The following GPSM1 variants were observed in gnomAD, a reference collection of about 807,000 sequenced individuals.
The protein encoded by GPSM1 is G protein-signaling modulator 1.
Under a neutral mutation model 70.5 loss-of-function variants are expected in GPSM1, and 48 were observed. The ratio of observed to expected loss-of-function variants is 0.68; its 90% CI spans 0.54 to 0.87. The LOEUF (loss-of-function observed/expected upper bound fraction) is 0.87, where lower values mean the gene tolerates loss of function less well. Ranked by LOEUF, GPSM1 falls within the 40% of genes least tolerant of loss-of-function variation. GPSM1 has a pLI of 0.00. For missense variants in GPSM1, 981 were observed against 972.6 expected (o/e 1.01, Z -0.11); for synonymous variants, 416 against 430.1 (o/e 0.97, Z 0.41).
At chr9:136,357,009 A>C (rs1554773329) in intron 13 of GPSM1, among the ~76,000 whole-genome samples, 1 of 152,216 alleles carries the variant, frequency 6.6e-6, no homozygotes. Flanking sequence ...TCCAGGGACC[A>C]CACAGTGGAC....
chr9:136,337,304 C>G, intron 4 of GPSM1, 137 bp from the exon 5 acceptor site: 2 of 1,371,266 alleles, frequency 1.5e-6, no homozygotes, highest in Non-Finnish European at 2.0e-6. Context: ...CTCGAGGACC[C>G]TGGAGCCTAC....
rs1832001725 is a variant in GPSM1 at position 136,327,664 on chromosome 9, G to T, written c.-32G>T. ...GGCGGACGGCCACGGCGCGGGGGGC[G>T]CTCCCGGCTCCCGCTCCCGCGTCCC... On this transcript the variant is annotated 5_prime_UTR_variant, in exon 1 of 14. Coordinates refer to ENST00000440944, the MANE Select transcript of GPSM1 (RefSeq NM_001145638.3). 3 of 897,734 alleles carry T rather than the reference G, an allele frequency of 3.3e-6. No individual in the cohort carries two copies. The South Asian group carries it at 1.6e-4, about 47-fold the overall frequency. The allele number at this position is 897,734 out of a possible 1,614,324, so 55.6% of individuals were successfully genotyped here.
At chr9:136,356,615 C>A in intron 13 of GPSM1, 65 bp downstream of exon 13, 1 of 1,249,484 alleles carries the variant, frequency 8.0e-7, no homozygotes, top group Non-Finnish European at 1.1e-6. Context: ...GTGGAGGCAA[C>A]TTGTGTCCTG....
rs782763280 is a variant in GPSM1 at position 136,356,557 on chromosome 9, T to C, written c.1821+7T>C. 1 of 1,604,766 alleles carries C rather than the reference T, an allele frequency of 6.2e-7. No homozygotes were observed. Among genetic ancestry groups the C allele is most frequent in the Non-Finnish European group, 8.5e-7 (1 of 1,174,346 alleles). On this transcript the variant is annotated splice_region_variant and intron_variant, in intron 13 of 13. Coordinates refer to ENST00000440944, the MANE Select transcript of GPSM1 (RefSeq NM_001145638.3). ...CATGCTCATCAAGTACCAGGTGGGC[T>C]GCGGCCCTGGGCGGGCGTGGCTCGC...
At position 136,356,435 on chromosome 9, in the gene GPSM1, G is replaced by A. The variant is rs555230388; in HGVS notation, c.1706G>A (p.Ser569Asn). 3 of 1,611,122 alleles carry A rather than the reference G, an allele frequency of 1.9e-6. No homozygotes were observed. The South Asian group carries it at 3.3e-5, about 18-fold the overall frequency. ...CGCCGGCTGGACGACCAGCGGGCCA[G>A]CGTGGGCAGCCTGCCGGGGCTGCGA... is the stretch of plus-strand genomic sequence containing the variant. Reference protein sequence around the residue: ...QSRRLDDQRASVGSLPGLRIT... With the variant: ...QSRRLDDQRANVGSLPGLRIT... The change falls in exon 13 of 14, where the codon AGC becomes AAC. Residue 569 changes from serine (S) to asparagine (N), a missense_variant. Transcript: ENST00000440944.
intron 9 of GPSM1, among the ~76,000 whole-genome samples, chr9:136,348,163 G>A (rs1239354930): frequency 6.6e-6 from 1 of 152,240 alleles, no homozygotes; most frequent in Non-Finnish European, 1.5e-5. Flanking sequence ...CCCGGGGAAG[G>A]TCCCACGGCA....
rs965778568 is a variant in GPSM1, at chr9:136,340,788, C to T, written c.1084-82C>T. 4.1e-5 allele frequency: 61 copies of T among 1,479,352 alleles called. No homozygotes were observed. The African/African-American group carries it at 7.1e-4, about 17-fold the overall frequency. The allele number at this position is 1,479,352 out of a possible 1,614,324, so 91.6% of individuals were successfully genotyped here. ...ACTCAGAAGGTCAGGGACGGGTGTACTGGGGGCCATTAAGGTCCCCTTGGA... is the reference window on the plus strand; with the variant it reads ...ACTCAGAAGGTCAGGGACGGGTGTATTGGGGGCCATTAAGGTCCCCTTGGA... On this transcript the variant is annotated intron_variant, in intron 8 of 13. Coordinates refer to ENST00000440944, the MANE Select transcript of GPSM1 (RefSeq NM_001145638.3). The surrounding 1 kb of genome is among the most constrained non-coding windows in gnomAD (Gnocchi z 7.3).
At chr9:136,347,924 C>A (rs1832562013) in intron 9 of GPSM1, among the ~76,000 whole-genome samples, 3 of 152,176 alleles carry the variant, frequency 2.0e-5, no homozygotes, top group Admixed American at 1.3e-4. Flanking sequence ...CTGAGTGACA[C>A]CCGTCTCTGC....
chr9:136,332,180 G>C, intron 1 of GPSM1: 1 of 399,198 alleles, frequency 2.5e-6, no homozygotes, highest in Non-Finnish European at 4.4e-6. Context: ...GGTGCGGCGG[G>C]CAGCGAGTGG....
At position 136,340,833 on chromosome 9, in the gene GPSM1, G is replaced by C; in HGVS notation, c.1084-37G>C. The C allele has an allele frequency of 6.5e-7, 1 of 1,534,440 alleles. No individual in the cohort carries two copies. Among genetic ancestry groups the C allele is most frequent in the Non-Finnish European group, 8.7e-7 (1 of 1,144,460 alleles). On this transcript the variant is annotated intron_variant, in intron 8 of 13. Transcript: ENST00000440944. The surrounding 1 kb of genome is among the most constrained non-coding windows in gnomAD (Gnocchi z 7.3). ...CTTGGAGCCCACAGCAGGGCCCCCA[G>C]CCACACCTGCCCGCTCCGCCACCCC...
At chr9:136,331,017 G>T (rs1260588991) in intron 1 of GPSM1, among the ~76,000 whole-genome samples, 2 of 152,104 alleles carry the variant, frequency 1.3e-5, no homozygotes, top group African/African-American at 4.8e-5. Flanking sequence ...CCTGTCCTTG[G>T]ATTCCTGCCT....
chr9:136,353,163 T>TG (rs1832718022), intron 11 of GPSM1: 3 of 934,330 alleles, frequency 3.2e-6, no homozygotes, highest in Non-Finnish European at 3.8e-6. Context: ...CGCGTGAGTC[T>TG]GGGGTCCCTG....
intron 13 of GPSM1, 87 bp downstream of exon 13, chr9:136,356,637 G>A (rs782024001): frequency 1.8e-4 from 172 of 971,548 alleles, no homozygotes; most frequent in Non-Finnish European, 2.5e-4. Flanking sequence ...GGGGTGAGGT[G>A]GGCGCTGGTT....
chr9:136,337,675 C>T, intron 5 of GPSM1, 111 bp downstream of exon 5: 1 of 1,109,784 alleles, frequency 9.0e-7, no homozygotes, highest in Non-Finnish European at 1.3e-6. Flanking sequence ...AGGCAGCAGG[C>T]CCGCCCCACC....
chr9:136,330,912 C>T (rs894298554), intron 1 of GPSM1, among the ~76,000 whole-genome samples: 1 of 152,134 alleles, frequency 6.6e-6, no homozygotes, highest in African/African-American at 2.4e-5. Context: ...GCCAAGCTGT[C>T]CTGAAGGTGG....
rs550141113 is a variant in GPSM1 at position 136,353,333 on chromosome 9, C to T, written c.1456-2357C>T. Among the ~76,000 whole-genome samples, 25 of 152,230 alleles carry T rather than the reference C, an allele frequency of 1.6e-4. No individual in the cohort carries two copies. The East Asian group carries it at 4.1e-3, about 25-fold the overall frequency. On this transcript the variant is annotated intron_variant, in intron 11 of 13. Transcript: ENST00000440944. ...ACTGCAGGAGGGACTCTGAGGCCTC[C>T]GGGAAGGAGGGAGCCAGGGCTTGGG...
rs1029951323 is a variant in GPSM1 at position 136,358,345 on chromosome 9, C to G, written c.*125C>G. The G allele has an allele frequency of 8.7e-6, 8 of 917,166 alleles. No individual in the cohort carries two copies. The highest frequency in any genetic ancestry group is 5.5e-5 in the East Asian group (2 of 36,316). 56.8% of individuals were successfully genotyped at this position (917,166 alleles called of 1,614,324 possible). ...CTGGGCATGCAGCCCCACGGCCTCCCCGACCCAGGGCGACAGGCTCAGGCC... is the reference window on the plus strand; with the variant it reads ...CTGGGCATGCAGCCCCACGGCCTCCGCGACCCAGGGCGACAGGCTCAGGCC... On this transcript the variant is annotated 3_prime_UTR_variant, in exon 14 of 14. Transcript: ENST00000440944.
chr9:136,339,750 G>A lies in GPSM1; in HGVS notation c.1018G>A (p.Val340Met), dbSNP rs375186834. 37 of 1,550,270 alleles carry A rather than the reference G, an allele frequency of 2.4e-5. No individual in the cohort carries two copies. The East Asian group carries it at 4.4e-4, about 18-fold the overall frequency. The change falls in exon 8 of 14, where the codon GTG (valine) becomes ATG (methionine). Residue 340 changes from valine (V) to methionine (M), a missense_variant. Physicochemically the swap from Val to Met is conservative, Grantham distance 21. Coordinates refer to ENST00000440944, the MANE Select transcript of GPSM1 (RefSeq NM_001145638.3). ...RACWSLGNAY[V>M]SMGRPAQALT... is the part of the protein sequence containing the mutation. ...GTGCTGGAGCCTGGGAAATGCCTAC[G>A]TGTCCATGGGGCGCCCAGCGCAGGC...
chr9:136,335,923 G>T, intron 2 of GPSM1, 43 bp from the exon 3 acceptor site: 1 of 1,600,164 alleles, frequency 6.2e-7, no homozygotes, highest in South Asian at 1.1e-5. Context: ...CCAGAGGCCT[G>T]ACCAGTCCTC....
Sources: allele counts gnomAD v4.1 joint callset (sites outside exome capture counted in the v4.1 genomes callset), GRCh38; gene constraint gnomAD v4.1.1; non-coding constraint Gnocchi (gnomAD v3.1); transcripts MANE v1.5; gene names NCBI Gene and HGNC (gene_info 2026-07-23, HGNC 2026-07-21).